Variants in ATXN3 observed in about 807,000 individuals in gnomAD.
The protein encoded by ATXN3 is ataxin-3.
ATXN3 carries 28 observed loss-of-function variants against 58.2 expected under a neutral mutation model. That is an observed-to-expected ratio of 0.48 (90% CI 0.36 to 0.66). The LOEUF is 0.66. Ranked by LOEUF, ATXN3 falls within the 30% of genes least tolerant of loss-of-function variation. The pLI is 0.00. For synonymous variants in ATXN3, 113 were observed against 138.5 expected, an observed-to-expected ratio of 0.82 and a Z score of 1.29; for missense variants, 321 against 422.1, an observed-to-expected ratio of 0.76 and a Z score of 2.10.
intron 4 of ATXN3, 96 bp from the exon 5 acceptor site, chr14:92,093,414 ATTATAT>A (rs763446618): frequency 5.7e-6 from 4 of 707,242 alleles, no homozygotes; most frequent in African/African-American, 1.8e-5. Flanking sequence ...ATAATTTAAG[ATTATAT>A]TTATAGTTAA....
upstream of ATXN3, among the ~76,000 whole-genome samples, chr14:92,052,277 C>T (rs1409289891): frequency 6.6e-6 from 1 of 151,806 alleles, no homozygotes; most frequent in Admixed American, 6.6e-5. Context: ...GGCGGATCAC[C>T]TGAGGTTGGG....
At chr14:92,068,517 C>T (rs1258505652) in intron 10 of ATXN3, among the ~76,000 whole-genome samples, 1 of 152,156 alleles carries the variant, frequency 6.6e-6, no homozygotes, top group Admixed American at 6.6e-5. Flanking sequence ...GTCCACTCCC[C>T]ACCACACTGC....
At chr14:92,066,622 TTTTG>T (rs1566910482) in intron 10 of ATXN3, among the ~76,000 whole-genome samples, 1 of 144,280 alleles carries the variant, frequency 6.9e-6, no homozygotes. Context: ...TTTTTTTTTT[TTTTG>T]AGACAAGGTC....
chr14:92,088,940 C>G (rs1014695234), intron 5 of ATXN3, 123 bp from the exon 6 acceptor site: 2 of 630,054 alleles, frequency 3.2e-6, no homozygotes, highest in African/African-American at 3.7e-5. Flanking sequence ...GGAAATATTT[C>G]AAGTTGAGCT....
downstream of ATXN3, among the ~76,000 whole-genome samples, chr14:92,056,056 T>A (rs957387369): frequency 5.9e-5 from 9 of 152,148 alleles, no homozygotes; most frequent in African/African-American, 1.9e-4. Flanking sequence ...ACACAGCTTT[T>A]GGAAAAAATG....
intron 6 of ATXN3, among the ~76,000 whole-genome samples, chr14:92,088,475 G>A (rs2063074567): frequency 6.6e-6 from 1 of 152,144 alleles, no homozygotes. Flanking sequence ...CGTGTGATAT[G>A]TGATGTATAA....
chr14:92,094,060 A>T (rs955092763), intron 3 of ATXN3, among the ~76,000 whole-genome samples: 27 of 150,382 alleles, frequency 1.8e-4, no homozygotes, highest in Non-Finnish European at 2.9e-4. Context: ...TCTCCTCCTG[A>T]GGCTCCCGAG....
rs2057661478 is a variant in ATXN3, at chr14:92,060,199, G to GAGATCATCA, written c.*4120_*4121insTGATGATCT. On this transcript the variant is annotated 3_prime_UTR_variant, in exon 11 of 11. Coordinates refer to ENST00000644486, the MANE Select transcript of ATXN3 (RefSeq NM_004993.6). ...GGCGTGAGCCACTGCCCCCGACTGG[G>GAGATCATCA]ATAAAGTTTTTAATAGGAAGTCATA... 1.3e-5 allele frequency: 2 copies of GAGATCATCA among 149,802 alleles called. No individual in the cohort carries two copies. Among genetic ancestry groups the GAGATCATCA allele is most frequent in the African/African-American group, 2.5e-5 (1 of 40,726 alleles). 9.3% of individuals were successfully genotyped at this position (149,802 alleles called of 1,614,324 possible).
Position 92,064,312 on chromosome 14 carries a change from TA to T in ATXN3, c.*7del, listed in dbSNP as rs2057997382. 1 of 1,569,434 alleles carries T rather than the reference TA, an allele frequency of 6.4e-7. No individual in the cohort carries two copies. Among genetic ancestry groups the T allele is most frequent in the Admixed American group, 1.7e-5 (1 of 59,844 alleles). On this transcript the variant is annotated 3_prime_UTR_variant, in exon 11 of 11. Coordinates refer to ENST00000644486, the MANE Select transcript of ATXN3 (RefSeq NM_004993.6). ...AAGTATGAATATCTAAATTATTTTT[TA>T]AAGGTATTATTTTTTTCCTTCTGTT...
chr14:92,085,762 C>T (rs933848546), intron 6 of ATXN3, among the ~76,000 whole-genome samples: 1 of 152,080 alleles, frequency 6.6e-6, no homozygotes, highest in African/African-American at 2.4e-5. Context: ...AGGAGTTAGT[C>T]AAAGCTAGGT....
At chr14:92,096,011 C>G in intron 3 of ATXN3, 82 bp downstream of exon 3, 1 of 1,147,448 alleles carries the variant, frequency 8.7e-7, no homozygotes, top group East Asian at 2.3e-5. Context: ...CCGAAGGTCG[C>G]CTTGTTACAG....
At chr14:92,069,371 C>CTT (rs34755730) in intron 10 of ATXN3, among the ~76,000 whole-genome samples, 2,017 of 92,562 alleles carry the variant, frequency 0.022, 231 homozygotes, top group African/African-American at 0.059. Flanking sequence ...GTGTCCAGCC[C>CTT]TTTTTTTTTT....
Position 92,064,262 on chromosome 14 carries a change from T to A in ATXN3, c.*58A>T. 1 of 1,270,170 alleles carries A rather than the reference T, an allele frequency of 7.9e-7. No individual in the cohort carries two copies. Among genetic ancestry groups the A allele is most frequent in the Non-Finnish European group, 1.1e-6 (1 of 884,202 alleles). 78.7% of individuals were successfully genotyped at this position (1,270,170 alleles called of 1,614,324 possible). On this transcript the variant is annotated 3_prime_UTR_variant, in exon 11 of 11. Transcript: ENST00000644486. Reference sequence around the variant, plus strand: ...CACATTACCAAAGTGGACCCTATGCTGTAATCACACAGGATAATGTTGGAA... The same window carrying A: ...CACATTACCAAAGTGGACCCTATGCAGTAATCACACAGGATAATGTTGGAA...
chr14:92,083,088 T>C (rs2061760728), intron 7 of ATXN3, 38 bp downstream of exon 7: 1 of 1,565,192 alleles, frequency 6.4e-7, no homozygotes, highest in East Asian at 2.3e-5. Flanking sequence ...CATAATGAAA[T>C]ACTACCATAT....
intron 9 of ATXN3, chr14:92,079,501 TTTC>T (rs1344938359): frequency 4.4e-6 from 4 of 908,078 alleles, no homozygotes; most frequent in Non-Finnish European, 5.3e-6. Flanking sequence ...AGGTAAATAT[TTTC>T]TTCATTATAC....
intron 10 of ATXN3, among the ~76,000 whole-genome samples, chr14:92,068,919 G>A (rs1306832886): frequency 1.3e-5 from 2 of 152,058 alleles, no homozygotes; most frequent in Non-Finnish European, 2.9e-5. Context: ...ATGTTGAGGT[G>A]TTTTGGCTGT....
intron 9 of ATXN3, among the ~76,000 whole-genome samples, chr14:92,077,897 T>G (rs1412397638): frequency 2.0e-5 from 3 of 151,896 alleles, no homozygotes; most frequent in Non-Finnish European, 2.9e-5. Context: ...TCTGCCTGCC[T>G]CAGCCTCCCA....
At chr14:92,094,191 G>C (rs4904836) in intron 3 of ATXN3, among the ~76,000 whole-genome samples, 42,699 of 151,586 alleles carry the variant, frequency 0.28, 6,295 homozygotes, top group East Asian at 0.44. Context: ...CCACCCGCCT[G>C]GGCCTCCCAA....
chr14:92,056,215 A>G (rs1471970365), downstream of ATXN3, among the ~76,000 whole-genome samples: 2 of 152,176 alleles, frequency 1.3e-5, no homozygotes, highest in Non-Finnish European at 2.9e-5. Context: ...ATGTAGTGAC[A>G]TGTGGCTCAG....
Sources: allele counts gnomAD v4.1 joint callset (sites outside exome capture counted in the v4.1 genomes callset), GRCh38; gene constraint gnomAD v4.1.1; transcripts MANE v1.5; gene names NCBI Gene and HGNC (gene_info 2026-07-23, HGNC 2026-07-21).